Variants in CADPS observed in about 807,000 individuals in gnomAD.
CADPS encodes the protein calcium-dependent secretion activator 1.
In CADPS, 57 loss-of-function variants were observed where a neutral mutation model predicts 167.3. The observed-to-expected ratio is 0.34, with a 90% CI of 0.28 to 0.42. CADPS has a LOEUF of 0.42. CADPS is among the 20% of genes least tolerant of loss of function. CADPS has a pLI of 1.00. For synonymous variants in CADPS, 676 were observed against 635.3 expected, an observed-to-expected ratio of 1.06 and a Z score of -0.96; for missense variants, 1,414 against 1,738.1, an observed-to-expected ratio of 0.81 and a Z score of 3.32.
At chr3:62,832,097 C>G (rs2075193232) in intron 1 of CADPS, among the ~76,000 whole-genome samples, 1 of 152,182 alleles carries the variant, frequency 6.6e-6, no homozygotes, top group Admixed American at 6.5e-5. Flanking sequence ...CAAACTGAGA[C>G]CTATTGGGTT....
rs779293832 is a variant in CADPS, at chr3:62,438,190, C to A, written c.3691G>T (p.Asp1231Tyr). 6.2e-7 allele frequency: 1 copy of A among 1,613,416 alleles called. No homozygotes were observed. Among genetic ancestry groups the A allele is most frequent in the South Asian group, 1.1e-5 (1 of 91,050 alleles). Residue 1231 changes from aspartate to tyrosine, a missense_variant, in exon 28 of 30, where the codon GAC becomes TAC. This residue lies in a region of CADPS where 185 missense variants were observed against 251.5 expected (regional missense o/e 0.74). Transcript: ENST00000383710. This position sits in a 1 kb window ranked among gnomAD's most constrained non-coding sequence, Gnocchi z 4.7. The stretch of plus-strand genomic sequence containing the variant: ...TGGCGGACGAAAGTCACGTAGGCGT[C>A]GGCCACGTCCATCCCGGGTTTCTGT... ...DVPKPGMDVA[D>Y]AYVTFVRHSQ...
intron 3 of CADPS, among the ~76,000 whole-genome samples, chr3:62,706,704 A>T (rs4688138): frequency 0.99 from 149,924 of 152,182 alleles, 73,894 homozygotes; most frequent in Middle Eastern, 1. Context: ...TCATATGGTG[A>T]TTTCTCTGTG....
chr3:62,845,969 G>C (rs2077360882), intron 1 of CADPS, among the ~76,000 whole-genome samples: 1 of 152,060 alleles, frequency 6.6e-6, no homozygotes, highest in Non-Finnish European at 1.5e-5. Context: ...TTGGTTTAGG[G>C]GGGTAGATTT....
chr3:62,427,899 T>C (rs2053087191), intron 28 of CADPS, among the ~76,000 whole-genome samples: 1 of 152,208 alleles, frequency 6.6e-6, no homozygotes, highest in African/African-American at 2.4e-5. Flanking sequence ...ACACAAATAA[T>C]GAGAGGGGCT....
At chr3:62,589,004 T>C (rs34455180) in intron 7 of CADPS, among the ~76,000 whole-genome samples, 8 of 152,096 alleles carry the variant, frequency 5.3e-5, no homozygotes, top group African/African-American at 1.7e-4. Flanking sequence ...GATACGAGGG[T>C]GAGATAGAAG....
intron 6 of CADPS, among the ~76,000 whole-genome samples, chr3:62,641,678 G>T (rs1021613928): frequency 2.0e-5 from 3 of 151,988 alleles, no homozygotes; most frequent in African/African-American, 7.2e-5. Context: ...AAATAAGTAC[G>T]TCTCATGAAA....
intron 8 of CADPS, among the ~76,000 whole-genome samples, chr3:62,578,595 G>A (rs1159036307): frequency 1.8e-5 from 2 of 111,596 alleles, no homozygotes; most frequent in African/African-American, 7.4e-5. Flanking sequence ...GGGTGACAGA[G>A]CAAGACTCCG....
intron 13 of CADPS, chr3:62,530,890 C>A: frequency 1.4e-6 from 1 of 695,300 alleles, no homozygotes; most frequent in Non-Finnish European, 1.8e-6. Context: ...CACGCACATG[C>A]ACAAACAAAA....
intron 21 of CADPS, among the ~76,000 whole-genome samples, chr3:62,486,197 A>C (rs903223375): frequency 6.6e-6 from 1 of 152,244 alleles, no homozygotes; most frequent in African/African-American, 2.4e-5. Context: ...CTGTGATCCC[A>C]GCACTTTGGG....
chr3:62,458,576 C>T lies in CADPS; in HGVS notation c.3636+6791G>A, dbSNP rs1238900702. ...CGATTTCAGCTCACTACAACCTCCG[C>T]CTCCCGAGTTCAAGCAATTCTCCTG... On this transcript the variant is annotated intron_variant, in intron 26 of 29. Transcript: ENST00000383710. This position sits in a 1 kb window ranked among gnomAD's most constrained non-coding sequence, Gnocchi z 4.6. Among the ~76,000 whole-genome samples, 2 of 152,132 alleles carry T rather than the reference C, an allele frequency of 1.3e-5. No homozygotes were observed. The highest frequency in any genetic ancestry group is 6.5e-5 in the Admixed American group (1 of 15,280).
intron 17 of CADPS, among the ~76,000 whole-genome samples, chr3:62,511,632 C>T (rs548839042): frequency 6.6e-6 from 1 of 152,212 alleles, no homozygotes; most frequent in African/African-American, 2.4e-5. Flanking sequence ...TCCTAGCTCC[C>T]CTTTGCTTAT....
At chr3:62,694,526 C>G (rs892858464) in intron 3 of CADPS, among the ~76,000 whole-genome samples, 5 of 151,930 alleles carry the variant, frequency 3.3e-5, no homozygotes, top group African/African-American at 1.2e-4. Flanking sequence ...TACATTAGAC[C>G]CCTTCCATCA....
chr3:62,554,537 C>G (rs144233813), intron 10 of CADPS, among the ~76,000 whole-genome samples: 4 of 152,108 alleles, frequency 2.6e-5, no homozygotes, highest in African/African-American at 9.7e-5. Flanking sequence ...GAAGTCCTCC[C>G]CATTTGCACA....
intron 10 of CADPS, 93 bp from the exon 11 acceptor site, chr3:62,550,208 C>T (rs2077101608): frequency 1.0e-6 from 1 of 957,228 alleles, no homozygotes; most frequent in African/African-American, 1.6e-5. Flanking sequence ...TGCTGCTTTT[C>T]CTTGGGACAG....
At chr3:62,665,273 G>GT (rs1397930548) in intron 3 of CADPS, among the ~76,000 whole-genome samples, 1 of 152,148 alleles carries the variant, frequency 6.6e-6, no homozygotes, top group Admixed American at 6.5e-5. Flanking sequence ...GTAAATAATT[G>GT]TTTTTAACTG....
chr3:62,418,780 TC>T (rs1456549133), intron 28 of CADPS, among the ~76,000 whole-genome samples: 1 of 152,082 alleles, frequency 6.6e-6, no homozygotes, highest in East Asian at 1.9e-4. Context: ...CCCCTCTATC[TC>T]TTTTGATTAG....
chr3:62,840,005 A>G (rs775850204), intron 1 of CADPS, among the ~76,000 whole-genome samples: 1 of 152,214 alleles, frequency 6.6e-6, no homozygotes, highest in Non-Finnish European at 1.5e-5. Flanking sequence ...AGTCGGGGAC[A>G]TACTGAGTTG....
intron 1 of CADPS, among the ~76,000 whole-genome samples, chr3:62,837,293 C>T (rs1237254478): frequency 2.0e-5 from 3 of 152,166 alleles, no homozygotes; most frequent in African/African-American, 7.2e-5. Flanking sequence ...ATGAAAGCTC[C>T]TATCTGACTG....
intron 6 of CADPS, among the ~76,000 whole-genome samples, chr3:62,614,997 A>G (rs1463134046): frequency 6.6e-6 from 1 of 152,214 alleles, no homozygotes; most frequent in Non-Finnish European, 1.5e-5. Flanking sequence ...GAGAGCTCTC[A>G]ATAAATGTTA....
Sources: allele counts gnomAD v4.1 joint callset (sites outside exome capture counted in the v4.1 genomes callset), GRCh38; gene constraint gnomAD v4.1.1; regional missense constraint gnomAD v4.1.1; non-coding constraint Gnocchi (gnomAD v3.1); transcripts MANE v1.5; gene names NCBI Gene and HGNC (gene_info 2026-07-23, HGNC 2026-07-21).